Variants in MYLK observed in about 807,000 individuals in gnomAD.
The protein encoded by MYLK is myosin light chain kinase, smooth muscle.
Under a neutral mutation model 203.4 loss-of-function variants are expected in MYLK, and 106 were observed. The observed-to-expected ratio is 0.52, with a 90% CI of 0.45 to 0.61. The LOEUF is 0.61. Ranked by LOEUF, MYLK falls within the 20% of genes least tolerant of loss-of-function variation. MYLK has a pLI of 0.00. For synonymous variants in MYLK, 867 were observed against 959.5 expected (o/e 0.90, Z 1.78); for missense variants, 2,072 against 2,442.3 (o/e 0.85, Z 3.20).
intron 4 of MYLK, among the ~76,000 whole-genome samples, chr3:123,791,181 G>GGCT (rs2064766409): frequency 6.6e-6 from 1 of 152,166 alleles, no homozygotes; most frequent in East Asian, 1.9e-4. Context: ...CAACAGTGAA[G>GGCT]GCTGACATGC....
chr3:123,720,437 CG>C (rs112872744), intron 13 of MYLK, among the ~76,000 whole-genome samples: 249 of 152,262 alleles, frequency 1.6e-3, no homozygotes, highest in South Asian at 7.3e-3. Flanking sequence ...GGCTGAGCCA[CG>C]GCGGCTCTAC....
At chr3:123,806,673 A>T (rs986931426) in intron 3 of MYLK, among the ~76,000 whole-genome samples, 5 of 152,058 alleles carry the variant, frequency 3.3e-5, no homozygotes, top group South Asian at 2.1e-4. Context: ...TTATTTATTT[A>T]TTTTTTGAGA....
intron 4 of MYLK, among the ~76,000 whole-genome samples, chr3:123,763,356 T>C (rs1357647099): frequency 6.6e-6 from 1 of 152,234 alleles, no homozygotes; most frequent in African/African-American, 2.4e-5. Flanking sequence ...CTGGGCTTGA[T>C]GCATAGTGGT....
At chr3:123,618,588 C>T in intron 33 of MYLK, 51 bp downstream of exon 33, 1 of 1,611,604 alleles carries the variant, frequency 6.2e-7, no homozygotes, top group Non-Finnish European at 8.5e-7. Context: ...AGGGACTCTA[C>T]CATCCAGCCA....
intron 29 of MYLK, among the ~76,000 whole-genome samples, chr3:123,632,627 A>G (rs1317034114): frequency 2.0e-5 from 3 of 152,004 alleles, no homozygotes; most frequent in African/African-American, 4.8e-5. Context: ...CATTCTTCCT[A>G]TTAAAGAGCA....
intron 29 of MYLK, 125 bp downstream of exon 29, chr3:123,637,946 C>A (rs1576393865): frequency 6.9e-7 from 1 of 1,451,856 alleles, no homozygotes; most frequent in East Asian, 2.4e-5. Flanking sequence ...ACCCTCCTGA[C>A]TCTGGGGGGG....
At chr3:123,630,589 G>A (rs1437692030) in intron 29 of MYLK, 1 of 152,216 alleles carries the variant, frequency 6.6e-6, no homozygotes, top group South Asian at 2.1e-4. Context: ...TCTAGAGCCT[G>A]TCCTCTTAAA....
At chr3:123,810,194 A>C (rs2065508683) in intron 3 of MYLK, among the ~76,000 whole-genome samples, 1 of 152,148 alleles carries the variant, frequency 6.6e-6, no homozygotes, top group African/African-American at 2.4e-5. Flanking sequence ...CTCCCAATAC[A>C]ATGACATAAG....
chr3:123,859,078 G>A (rs2031667740), intron 2 of MYLK, among the ~76,000 whole-genome samples: 2 of 152,198 alleles, frequency 1.3e-5, no homozygotes, highest in Non-Finnish European at 2.9e-5. Flanking sequence ...GAAATGAATT[G>A]TTAAAAAAAT....
chr3:123,813,807 G>A (rs1301427192), intron 3 of MYLK, among the ~76,000 whole-genome samples: 2 of 152,046 alleles, frequency 1.3e-5, no homozygotes, highest in Admixed American at 6.6e-5. Context: ...CACCATGCCC[G>A]GACAATTCAC....
intron 4 of MYLK, among the ~76,000 whole-genome samples, chr3:123,786,759 C>T (rs991249013): frequency 6.6e-6 from 1 of 151,904 alleles, no homozygotes; most frequent in African/African-American, 2.4e-5. Flanking sequence ...CTCATGTACC[C>T]CATAAATATA....
intron 4 of MYLK, among the ~76,000 whole-genome samples, chr3:123,783,744 G>A (rs1251801541): frequency 6.6e-6 from 1 of 152,210 alleles, no homozygotes; most frequent in Non-Finnish European, 1.5e-5. Flanking sequence ...CCGTGCAACA[G>A]TATTACTTCT....
chr3:123,826,394 A>T (rs533128154), intron 3 of MYLK, among the ~76,000 whole-genome samples: 34 of 152,348 alleles, frequency 2.2e-4, no homozygotes, highest in African/African-American at 8.2e-4. Context: ...CCTGAGATGA[A>T]GAAAGAGCCC....
chr3:123,746,985 C>T (rs771780426), intron 5 of MYLK, among the ~76,000 whole-genome samples: 3 of 152,158 alleles, frequency 2.0e-5, no homozygotes, highest in Non-Finnish European at 4.4e-5. Context: ...AAAAGAAGAA[C>T]CATGACAAAC....
chr3:123,797,966 G>A (rs1176170593), intron 3 of MYLK, among the ~76,000 whole-genome samples: 1 of 152,218 alleles, frequency 6.6e-6, no homozygotes, highest in East Asian at 1.9e-4. Flanking sequence ...CTATGAGTGA[G>A]ATGACTGGAA....
chr3:123,689,194 G>T (rs1419236829), intron 19 of MYLK, among the ~76,000 whole-genome samples: 1 of 152,164 alleles, frequency 6.6e-6, no homozygotes, highest in Non-Finnish European at 1.5e-5. Context: ...GGGTGGCTGG[G>T]GACAGGAGGC....
At position 123,629,670 on chromosome 3, in the gene MYLK, C is replaced by A; in HGVS notation, c.4962-44G>T. ...GACAGCAGGTGTGGCTAGGAGAGGG[C>A]GCGACGACCAGGTGAGTGGTAACTG... On this transcript the variant is annotated intron_variant, in intron 29 of 33. Transcript: ENST00000360304. The surrounding 1 kb of genome is among the most constrained non-coding windows in gnomAD (Gnocchi z 4.4). 1.2e-6 allele frequency: 2 copies of A among 1,610,566 alleles called. No individual in the cohort carries two copies. Among genetic ancestry groups the A allele is most frequent in the African/African-American group, 2.7e-5 (2 of 74,870 alleles).
intron 20 of MYLK, among the ~76,000 whole-genome samples, chr3:123,680,464 C>G (rs1200598805): frequency 1.3e-5 from 2 of 152,230 alleles, no homozygotes; most frequent in African/African-American, 4.8e-5. Context: ...AAGTATAGCA[C>G]AGGTCCAAGG....
chr3:123,855,833 C>G (rs2031320616), intron 2 of MYLK, among the ~76,000 whole-genome samples: 1 of 152,012 alleles, frequency 6.6e-6, no homozygotes, highest in African/African-American at 2.4e-5. Flanking sequence ...TTTTTGCCAC[C>G]ACTACCTGCC....
Sources: gnomAD v4.1 joint callset for allele counts (sites outside exome capture counted in the v4.1 genomes callset) on GRCh38, gnomAD v4.1.1 for gene constraint, Gnocchi (gnomAD v3.1) non-coding constraint, MANE v1.5 for transcripts, NCBI Gene and HGNC (gene_info 2026-07-23, HGNC 2026-07-21) for gene names.